FCN2: variants seen among roughly 807,000 people sequenced by gnomAD.
FCN2 encodes ficolin 2.
A neutral mutation model predicts 32.5 loss-of-function variants in FCN2; 31 were observed. That is an observed-to-expected ratio of 0.96 (90% CI 0.72 to 1.29). The LOEUF (loss-of-function observed/expected upper bound fraction) is 1.29. FCN2 is among the 50% of genes most tolerant of loss of function. The probability of loss-of-function intolerance (pLI) is 0.00; values close to 1 mark genes in which losing one functional copy is unlikely to be tolerated. For missense variants in FCN2, 412 were observed against 406.5 expected (o/e 1.01, Z -0.12); for synonymous variants, 181 against 164.5 (o/e 1.10, Z -0.77).
rs151081783 is a variant in FCN2, at chr9:134,885,339, C to T, written c.402C>T (p.Asp134=). The T allele has an allele frequency of 1.5e-4, 250 of 1,614,048 alleles. No individual in the cohort carries two copies. In the African/African-American group the frequency reaches 1.9e-3, roughly 12 times the overall value. The part of the protein sequence containing the change: ...PDCRPLTVLC[D]MDTDGGGWTV... ...GCCGGCCCCTGACTGTGCTCTGTGA[C>T]ATGGACACGGACGGAGGGGGCTGGA... The change falls in exon 5 of 8, where the codon GAC becomes GAT. Residue 134 remains aspartate (D), a synonymous_variant. Coordinates refer to ENST00000291744, the MANE Select transcript of FCN2 (RefSeq NM_004108.3).
At chr9:134,869,535 C>G in the FCN2 span, among the ~76,000 whole-genome samples, 1 of 152,206 alleles carries the variant, frequency 6.6e-6, no homozygotes, top group South Asian at 2.1e-4. Context: ...CCCCCGCAGG[C>G]TCCCTTCCCC....
chr9:134,874,370 G>A, the FCN2 span, among the ~76,000 whole-genome samples: 3 of 151,986 alleles, frequency 2.0e-5, no homozygotes, highest in African/African-American at 4.8e-5. Context: ...TGAGAGCTAT[G>A]ATCTATTTCA....
chr9:134,872,253 T>G, the FCN2 span, among the ~76,000 whole-genome samples: 3 of 152,134 alleles, frequency 2.0e-5, no homozygotes, highest in Non-Finnish European at 1.5e-5. Flanking sequence ...CGTGGATGGA[T>G]GGACCACAGC....
chr9:134,868,927 C>T, the FCN2 span, among the ~76,000 whole-genome samples: 5 of 152,226 alleles, frequency 3.3e-5, no homozygotes, highest in African/African-American at 9.6e-5. The surrounding 1 kb of genome is among the most constrained non-coding windows in gnomAD (Gnocchi z 4.3). Context: ...TTTATCGGCA[C>T]AGCCATGCCC....
At chr9:134,871,878 A>T in the FCN2 span, among the ~76,000 whole-genome samples, 1 of 152,112 alleles carries the variant, frequency 6.6e-6, no homozygotes, top group Non-Finnish European at 1.5e-5. Flanking sequence ...CCAGCACCAC[A>T]ATTGAGACAA....
At chr9:134,879,670 G>A (rs1008213157), upstream of FCN2, among the ~76,000 whole-genome samples, 2 of 152,166 alleles carry the variant, frequency 1.3e-5, no homozygotes, top group African/African-American at 2.4e-5. Flanking sequence ...CGGAACCCGA[G>A]GGGGGTCTTA....
At chr9:134,872,841 A>C in the FCN2 span, among the ~76,000 whole-genome samples, 1 of 152,142 alleles carries the variant, frequency 6.6e-6, no homozygotes, top group African/African-American at 2.4e-5. Context: ...GTATGTTTTT[A>C]ACTTTTTCCA....
intron 7 of FCN2, among the ~76,000 whole-genome samples, chr9:134,886,922 C>T (rs1830766357): frequency 6.6e-6 from 1 of 152,144 alleles, no homozygotes; most frequent in Admixed American, 6.5e-5. Context: ...GCCTCCTGTT[C>T]TTCTGTGAAA....
chr9:134,865,011 G>T, the FCN2 span, among the ~76,000 whole-genome samples: 1 of 152,218 alleles, frequency 6.6e-6, no homozygotes, highest in Non-Finnish European at 1.5e-5. Flanking sequence ...GAGGCAGTGG[G>T]CGTACAGGGC....
At chr9:134,869,058 C>T in the FCN2 span, among the ~76,000 whole-genome samples, 1 of 152,184 alleles carries the variant, frequency 6.6e-6, no homozygotes, top group Non-Finnish European at 1.5e-5. Context: ...GTGTATTAAT[C>T]AGTCCTTTAC....
Position 134,887,253 on chromosome 9 carries a change from G to A in FCN2, c.780G>A (p.Met260Ile). 1 of 1,614,222 alleles carries A rather than the reference G, an allele frequency of 6.2e-7. No individual in the cohort carries two copies. Among genetic ancestry groups the A allele is most frequent in the Non-Finnish European group, 8.5e-7 (1 of 1,180,036 alleles). Residue 260 changes from methionine to isoleucine, a missense_variant, in exon 8 of 8, where the codon ATG becomes ATA. Transcript: ENST00000291744. ...TTAACACCGGAAATTGTGCTGTGAT[G>A]TTTCAGGGAGCTTGGTGGTACAAAA... ...NDLNTGNCAVMFQGAWWYKNC... is the reference protein window; with the variant it reads ...NDLNTGNCAVIFQGAWWYKNC...
At chr9:134,870,485 G>A in the FCN2 span, among the ~76,000 whole-genome samples, 1 of 152,120 alleles carries the variant, frequency 6.6e-6, no homozygotes, top group South Asian at 2.1e-4. This position sits in a 1 kb window ranked among gnomAD's most constrained non-coding sequence, Gnocchi z 4.3. Flanking sequence ...TGCCCCTCGG[G>A]GGGCCAAGCC....
the FCN2 span, among the ~76,000 whole-genome samples, chr9:134,867,793 T>C: frequency 1.3e-5 from 2 of 152,080 alleles, no homozygotes; most frequent in African/African-American, 2.4e-5. Flanking sequence ...CCCGTAATTC[T>C]ACAACCACAT....
In FCN2 at chr9:134,887,341, G is replaced by A. The variant is rs1830775260; in HGVS notation, c.868G>A (p.Gly290Ser). 6.2e-7 allele frequency: 1 copy of A among 1,614,006 alleles called. No homozygotes were observed. The highest frequency in any genetic ancestry group is 8.5e-7 in the Non-Finnish European group (1 of 1,180,006). ...GGGGACTCATGGCAGCTTTGCAAAT[G>A]GCATCAACTGGAAGTCGGGGAAAGG... ...LRGTHGSFAN[G>S]INWKSGKGYN... Residue 290 changes from glycine to serine, a missense_variant, in exon 8 of 8, where the codon GGC (glycine) becomes AGC (serine). Transcript: ENST00000291744.
At chr9:134,880,731 A>C (rs1830649622), upstream of FCN2, 35 of 1,021,050 alleles carry the variant, frequency 3.4e-5, no homozygotes, top group South Asian at 4.3e-4. Flanking sequence ...AGCGGCTGTC[A>C]CTCGGAAGAT....
Position 134,880,910 on chromosome 9 carries a change from A to G in FCN2, c.89A>G (p.Asp30Gly). The change falls in exon 1 of 8, where the codon GAC (aspartate) becomes GGC (glycine). Residue 30 changes from aspartate to glycine, a missense_variant. Physicochemically the swap from Asp to Gly is moderately conservative, Grantham distance 94 (BLOSUM62 -1). Coordinates refer to ENST00000291744, the MANE Select transcript of FCN2 (RefSeq NM_004108.3). ...ATGGCCTGGGCTCTCCAGGCGGCAGACACCTGTCCAGGTAAGGGCACTCCA... is the reference window on the plus strand; with the variant it reads ...ATGGCCTGGGCTCTCCAGGCGGCAGGCACCTGTCCAGGTAAGGGCACTCCA... ...LGMAWALQAA[D>G]TCPEVKMVGL... 1 of 1,612,744 alleles carries G rather than the reference A, an allele frequency of 6.2e-7. No homozygotes were observed. Among genetic ancestry groups the G allele is most frequent in the Non-Finnish European group, 8.5e-7 (1 of 1,179,612 alleles).
At chr9:134,865,935 T>C in the FCN2 span, among the ~76,000 whole-genome samples, 11 of 151,452 alleles carry the variant, frequency 7.3e-5, no homozygotes, top group Non-Finnish European at 1.3e-4. Context: ...TTACAAGGGA[T>C]GTGAAGGACC....
chr9:134,887,507 C>G lies in FCN2; in HGVS notation c.*92C>G. On this transcript the variant is annotated 3_prime_UTR_variant, in exon 8 of 8. Coordinates refer to ENST00000291744, the MANE Select transcript of FCN2 (RefSeq NM_004108.3). Reference sequence around the variant, plus strand: ...GGCCCTACGGTTTGTAAAAGAAACACATGTCGTGATTCTAAATTGGGTTTG... The same window carrying G: ...GGCCCTACGGTTTGTAAAAGAAACAGATGTCGTGATTCTAAATTGGGTTTG... 1 of 1,251,618 alleles carries G rather than the reference C, an allele frequency of 8.0e-7. No individual in the cohort carries two copies. The highest frequency in any genetic ancestry group is 1.1e-6 in the Non-Finnish European group (1 of 870,036). The allele number at this position is 1,251,618 out of a possible 1,614,324, so 77.5% of individuals were successfully genotyped here. A position where few individuals can be genotyped will look rare whatever the true frequency, so the allele number is the denominator to read the frequency against.
rs77793455 is a variant in FCN2 at position 134,882,079 on chromosome 9, G to A, written c.101-447G>A. On this transcript the variant is annotated intron_variant, in intron 1 of 7. Transcript: ENST00000291744. ...CTCTCTCCCTGTGTCCTTCTCACCC[G>A]ATATTGATTACAATGATATGATAGA... 3.7e-3 allele frequency among the ~76,000 whole-genome samples: 567 copies of A among 152,236 alleles called. 3 individuals carry two copies. The highest frequency in any genetic ancestry group is 0.013 in the African/African-American group (549 of 41,550).
Sources: allele counts gnomAD v4.1 joint callset (sites outside exome capture counted in the v4.1 genomes callset), GRCh38; gene constraint gnomAD v4.1.1; non-coding constraint Gnocchi (gnomAD v3.1); transcripts MANE v1.5; gene names NCBI Gene and HGNC (gene_info 2026-07-23, HGNC 2026-07-21).